SNTG1: variants seen among roughly 807,000 people sequenced by gnomAD.
SNTG1 encodes syntrophin gamma 1, also known as gamma-1-syntrophin.
A neutral mutation model predicts 74.7 loss-of-function variants in SNTG1; 39 were observed. That is an observed-to-expected ratio of 0.52 (90% CI 0.40 to 0.68). The LOEUF (loss-of-function observed/expected upper bound fraction) is 0.68, where lower values mean the gene tolerates loss of function less well. Ranked by LOEUF, SNTG1 falls within the 30% of genes least tolerant of loss-of-function variation. The pLI is 0.00. For synonymous variants in SNTG1, 254 were observed against 217.1 expected (o/e 1.17, Z -1.49); for missense variants, 685 against 609.5 (o/e 1.12, Z -1.30).
intron 2 of SNTG1, among the ~76,000 whole-genome samples, chr8:50,338,146 T>TAA (rs1563916389): frequency 4.0e-5 from 6 of 149,332 alleles, no homozygotes; most frequent in Non-Finnish European, 9.0e-5. Flanking sequence ...AAAAAATAAA[T>TAA]AAATAAAAAT....
chr8:50,387,313 C>A (rs534153889), intron 2 of SNTG1, among the ~76,000 whole-genome samples: 1 of 152,232 alleles, frequency 6.6e-6, no homozygotes, highest in South Asian at 2.1e-4. Flanking sequence ...AACAGAGCCA[C>A]CACACAAATT....
intron 2 of SNTG1, among the ~76,000 whole-genome samples, chr8:50,174,392 A>G (rs1295322450): frequency 6.6e-6 from 1 of 152,192 alleles, no homozygotes; most frequent in Non-Finnish European, 1.5e-5. Context: ...TTCTGGTTCT[A>G]GATCCTTGAG....
chr8:50,361,465 T>C (rs1323949006), intron 2 of SNTG1, among the ~76,000 whole-genome samples: 2 of 152,190 alleles, frequency 1.3e-5, no homozygotes, highest in Non-Finnish European at 2.9e-5. Context: ...TCTGTATTAA[T>C]GAAAACCTTT....
intron 2 of SNTG1, among the ~76,000 whole-genome samples, chr8:50,194,830 G>A (rs1201131622): frequency 1.3e-5 from 2 of 151,888 alleles, no homozygotes; most frequent in South Asian, 2.1e-4. Flanking sequence ...TCTTGGCACC[G>A]CCTTTGCATT....
intron 1 of SNTG1, among the ~76,000 whole-genome samples, chr8:50,055,937 A>G (rs150820687): frequency 1.3e-3 from 198 of 152,204 alleles, no homozygotes; most frequent in Middle Eastern, 6.8e-3. Context: ...GAAACAATGG[A>G]TAATGTACCA....
chr8:49,918,515 A>T (rs1806242847), intron 1 of SNTG1, among the ~76,000 whole-genome samples: 1 of 152,182 alleles, frequency 6.6e-6, no homozygotes, highest in African/African-American at 2.4e-5. Context: ...ATGTGTAAAA[A>T]CAGATAATTT....
At chr8:50,571,162 A>G (rs542687801) in intron 12 of SNTG1, among the ~76,000 whole-genome samples, 10 of 152,092 alleles carry the variant, frequency 6.6e-5, no homozygotes, top group African/African-American at 2.4e-4. Flanking sequence ...AGCTCCAGCT[A>G]TTAGCGTTTC....
chr8:50,652,845 A>G (rs544949839), intron 13 of SNTG1, among the ~76,000 whole-genome samples: 3 of 151,920 alleles, frequency 2.0e-5, no homozygotes, highest in African/African-American at 7.2e-5. Context: ...AATAAAAGGT[A>G]TGTTATCAGA....
chr8:50,536,595 T>A (rs1457220419), intron 10 of SNTG1, 83 bp from the exon 11 acceptor site: 9 of 1,477,718 alleles, frequency 6.1e-6, no homozygotes, highest in Admixed American at 4.3e-5. Flanking sequence ...AAAAATAATA[T>A]CCCCCAGATA....
intron 2 of SNTG1, among the ~76,000 whole-genome samples, chr8:50,255,635 C>T (rs2086846069): frequency 6.6e-6 from 1 of 152,158 alleles, no homozygotes; most frequent in Non-Finnish European, 1.5e-5. Flanking sequence ...ACTCTGATCT[C>T]TGTATTCATC....
intron 13 of SNTG1, among the ~76,000 whole-genome samples, chr8:50,625,756 C>A (rs1172101793): frequency 1.3e-5 from 2 of 152,174 alleles, no homozygotes; most frequent in Non-Finnish European, 2.9e-5. Context: ...ATATTCCCAA[C>A]TTTGTAGCAA....
chr8:50,119,216 G>A lies in SNTG1; in HGVS notation c.-102-53345G>A, dbSNP rs980826867. On this transcript the variant is annotated intron_variant, in intron 1 of 18. Coordinates refer to ENST00000642720, the MANE Select transcript of SNTG1 (RefSeq NM_018967.5). ...GGTAAAAAATTATATAGCCAGCGAA[G>A]TGCCCACTTTTATATTTTATCACTG... is the stretch of plus-strand genomic sequence containing the variant. Among the ~76,000 whole-genome samples the A allele has an allele frequency of 1.4e-5, 2 of 141,078 alleles. 1 individual carries two copies. The highest frequency in any genetic ancestry group is 3.1e-5 in the Non-Finnish European group (2 of 63,508). The allele number at this position is 141,078 out of a possible 152,430, so 92.6% of individuals were successfully genotyped here.
At chr8:50,386,659 T>G (rs2092579466) in intron 2 of SNTG1, among the ~76,000 whole-genome samples, 1 of 152,078 alleles carries the variant, frequency 6.6e-6, no homozygotes, top group Admixed American at 6.6e-5. Context: ...CAGGAAGCTT[T>G]TAGTCACAGC....
intron 4 of SNTG1, among the ~76,000 whole-genome samples, chr8:50,432,521 C>T (rs1174836703): frequency 1.3e-5 from 2 of 152,072 alleles, no homozygotes; most frequent in East Asian, 3.9e-4. Context: ...CCATCTAAAC[C>T]TAAAAATTAG....
intron 12 of SNTG1, among the ~76,000 whole-genome samples, chr8:50,577,422 A>G (rs1286472676): frequency 4.7e-5 from 7 of 148,098 alleles, no homozygotes; most frequent in Non-Finnish European, 7.4e-5. Context: ...TATTTTCATT[A>G]GGTTCATAAA....
chr8:49,926,502 T>C (rs898193801), intron 1 of SNTG1, among the ~76,000 whole-genome samples: 2 of 152,104 alleles, frequency 1.3e-5, no homozygotes, highest in African/African-American at 4.8e-5. Flanking sequence ...CTAGAGTTTT[T>C]CAACAAATAA....
At chr8:50,526,336 G>A (rs310574) in intron 9 of SNTG1, among the ~76,000 whole-genome samples, 21,234 of 152,118 alleles carry the variant, frequency 0.14, 1,596 homozygotes, top group African/African-American at 0.18. Flanking sequence ...CTGCAAGTTT[G>A]ACACTTACTT....
chr8:50,783,090 G>A (rs541246853), intron 18 of SNTG1, among the ~76,000 whole-genome samples: 33 of 152,252 alleles, frequency 2.2e-4, no homozygotes, highest in East Asian at 7.7e-4. Context: ...GTACCCGGCC[G>A]TGTGAGGTGT....
chr8:50,319,279 G>T (rs1343269547), intron 2 of SNTG1, among the ~76,000 whole-genome samples: 1 of 152,062 alleles, frequency 6.6e-6, no homozygotes, highest in South Asian at 2.1e-4. Context: ...CAGGAGAATC[G>T]CTTGAACCTG....
Sources: allele counts gnomAD v4.1 joint callset (sites outside exome capture counted in the v4.1 genomes callset), GRCh38; gene constraint gnomAD v4.1.1; transcripts MANE v1.5; gene names NCBI Gene and HGNC (gene_info 2026-07-23, HGNC 2026-07-21).